The following ADAMTS12 variants were observed in gnomAD, a reference collection of about 807,000 sequenced individuals.
The protein encoded by ADAMTS12 is A disintegrin and metalloproteinase with thrombospondin motifs 12.
A neutral mutation model predicts 167.8 loss-of-function variants in ADAMTS12; 118 were observed. That is an observed-to-expected ratio of 0.70 (90% confidence interval 0.61 to 0.82). The LOEUF (loss-of-function observed/expected upper bound fraction) is 0.82, where lower values mean the gene tolerates loss of function less well. ADAMTS12 is among the 40% of genes least tolerant of loss of function. ADAMTS12 has a pLI of 0.00. For synonymous variants in ADAMTS12, 704 were observed against 716.9 expected (o/e 0.98, Z 0.29); for missense variants, 1,916 against 1,998.8 (o/e 0.96, Z 0.79).
chr5:33,630,548 G>T (rs1355887389), intron 13 of ADAMTS12, among the ~76,000 whole-genome samples: 1 of 152,122 alleles, frequency 6.6e-6, no homozygotes, highest in Non-Finnish European at 1.5e-5. Context: ...ATATCGTAGT[G>T]CACATCAACT....
intron 22 of ADAMTS12, among the ~76,000 whole-genome samples, chr5:33,536,872 T>C (rs1482894349): frequency 6.6e-6 from 1 of 152,230 alleles, no homozygotes; most frequent in East Asian, 1.9e-4. Flanking sequence ...GACTTCACAT[T>C]GTATCACATT....
chr5:33,630,897 G>C lies in ADAMTS12; in HGVS notation c.1905C>G (p.Leu635=), dbSNP rs901676462. 1.9e-6 allele frequency: 3 copies of C among 1,613,464 alleles called. No homozygotes were observed. The highest frequency in any genetic ancestry group is 2.5e-6 in the Non-Finnish European group (3 of 1,179,562). ...ACTGGCCATCTATGGGTCGGCAGTA[G>C]AGCTCACAAGGATGTGCTGAAGGGA... The part of the protein sequence containing the change: ...PIFNPAHPCE[L]YCRPIDGQFS... Residue 635 remains leucine, a synonymous_variant, in exon 13 of 24, where the codon CTC becomes CTG. Transcript: ENST00000504830.
At chr5:33,751,970 T>C (rs1579905599) in intron 2 of ADAMTS12, among the ~76,000 whole-genome samples, 1 of 152,292 alleles carries the variant, frequency 6.6e-6, no homozygotes, top group East Asian at 1.9e-4. Flanking sequence ...TTTACCTGCA[T>C]GGGGGTAGCC....
chr5:33,533,397 G>A (rs902370146), intron 23 of ADAMTS12, among the ~76,000 whole-genome samples: 1 of 152,164 alleles, frequency 6.6e-6, no homozygotes, highest in African/African-American at 2.4e-5. Context: ...GGTCTAGAAC[G>A]AGGTGCTTCT....
intron 2 of ADAMTS12, among the ~76,000 whole-genome samples, chr5:33,856,751 ACAAGTTTGGC>A (rs1360505891): frequency 6.6e-6 from 1 of 152,234 alleles, no homozygotes; most frequent in Non-Finnish European, 1.5e-5. Flanking sequence ...ACCAGGGATA[ACAAGTTTGGC>A]CATGATGCGA....
chr5:33,528,681 T>G (rs1156983424), intron 23 of ADAMTS12, among the ~76,000 whole-genome samples: 1 of 152,246 alleles, frequency 6.6e-6, no homozygotes, highest in African/African-American at 2.4e-5. Flanking sequence ...CAGGCAGTCT[T>G]AACTCTAGAG....
At chr5:33,587,793 A>G (rs1229733256) in intron 18 of ADAMTS12, among the ~76,000 whole-genome samples, 1 of 152,228 alleles carries the variant, frequency 6.6e-6, no homozygotes, top group Non-Finnish European at 1.5e-5. Context: ...TCGTAAGATA[A>G]AGTCAGCATC....
intron 14 of ADAMTS12, among the ~76,000 whole-genome samples, chr5:33,619,837 A>G (rs555855064): frequency 4.6e-5 from 7 of 152,210 alleles, no homozygotes; most frequent in Non-Finnish European, 1.0e-4. Context: ...TGGGACTACC[A>G]GCGCGTGCCA....
At chr5:33,671,519 C>T (rs1473676193) in intron 5 of ADAMTS12, among the ~76,000 whole-genome samples, 1 of 152,112 alleles carries the variant, frequency 6.6e-6, no homozygotes, top group Non-Finnish European at 1.5e-5. Flanking sequence ...TACAAAAACA[C>T]CTTAAAAATA....
chr5:33,844,756 C>T (rs1247839859), intron 2 of ADAMTS12, among the ~76,000 whole-genome samples: 1 of 152,154 alleles, frequency 6.6e-6, no homozygotes, highest in African/African-American at 2.4e-5. Flanking sequence ...GACTCCCTTC[C>T]CTTTGAAAAT....
At chr5:33,755,676 T>C (rs1248457445) in intron 2 of ADAMTS12, among the ~76,000 whole-genome samples, 1 of 152,136 alleles carries the variant, frequency 6.6e-6, no homozygotes. Context: ...GTACCACAAG[T>C]AAAGCCTGAA....
intron 2 of ADAMTS12, among the ~76,000 whole-genome samples, chr5:33,767,327 C>T (rs1468671283): frequency 6.6e-6 from 1 of 152,174 alleles, no homozygotes; most frequent in Non-Finnish European, 1.5e-5. Flanking sequence ...GAACTTGCCA[C>T]ATCAGATATA....
intron 14 of ADAMTS12, among the ~76,000 whole-genome samples, chr5:33,616,422 A>C (rs181349315): frequency 9.8e-5 from 15 of 152,308 alleles, no homozygotes; most frequent in Admixed American, 9.8e-4. Context: ...TCCTGCTAGT[A>C]TCTCTGCTTC....
intron 2 of ADAMTS12, among the ~76,000 whole-genome samples, chr5:33,808,118 C>T (rs73759401): frequency 0.012 from 1,784 of 152,224 alleles, 29 homozygotes; most frequent in African/African-American, 0.038. Flanking sequence ...AGGGAAAGCA[C>T]GAGCCGCGTA....
chr5:33,641,763 C>A, intron 11 of ADAMTS12, 47 bp downstream of exon 11: 1 of 1,496,068 alleles, frequency 6.7e-7, no homozygotes, highest in Non-Finnish European at 9.0e-7. Flanking sequence ...CCCCATCCCG[C>A]CCCCAGCACA....
At chr5:33,654,874 T>TTTTG (rs148735809) in intron 7 of ADAMTS12, among the ~76,000 whole-genome samples, 6,624 of 141,668 alleles carry the variant, frequency 0.047, 159 homozygotes, top group Non-Finnish European at 0.052. Context: ...GTGGGTGATT[T>TTTTG]TGTGTGTGTG....
At chr5:33,795,345 A>G (rs1746735323) in intron 2 of ADAMTS12, among the ~76,000 whole-genome samples, 1 of 152,238 alleles carries the variant, frequency 6.6e-6, no homozygotes, top group South Asian at 2.1e-4. Context: ...CTGTGGGAAC[A>G]ACAACAAAAA....
intron 17 of ADAMTS12, among the ~76,000 whole-genome samples, chr5:33,594,991 T>C (rs1216941260): frequency 1.3e-5 from 2 of 152,184 alleles, no homozygotes; most frequent in Non-Finnish European, 2.9e-5. Context: ...CTGGGATGAA[T>C]GCTTGATGGA....
Position 33,527,318 on chromosome 5 carries a change from A to G in ADAMTS12, c.4655T>C (p.Leu1552Pro). ...DKLSASFCQTLKAMKKCSVPT... is the reference protein window; with the variant it reads ...DKLSASFCQTPKAMKKCSVPT... The stretch of plus-strand genomic sequence containing the variant: ...CACAGAACATTTCTTCATGGCTTTC[A>G]GTGTCTGGCAGAAACTGGCTGACAG... Residue 1552 changes from leucine to proline, a missense_variant, in exon 24 of 24, where the codon CTG becomes CCG. Leu to Pro is a moderately conservative substitution (Grantham distance 98). Transcript: ENST00000504830. 1 of 1,614,130 alleles carries G rather than the reference A, an allele frequency of 6.2e-7. No homozygotes were observed. Among genetic ancestry groups the G allele is most frequent in the Non-Finnish European group, 8.5e-7 (1 of 1,180,018 alleles).
Sources: gnomAD v4.1 joint callset for allele counts (sites outside exome capture counted in the v4.1 genomes callset) on GRCh38, gnomAD v4.1.1 for gene constraint, MANE v1.5 for transcripts, NCBI Gene and HGNC (gene_info 2026-07-23, HGNC 2026-07-21) for gene names.